APOBEC3B: variants seen among roughly 807,000 people sequenced by gnomAD.
APOBEC3B encodes the protein apolipoprotein B mRNA editing enzyme catalytic subunit 3B.
Under a neutral mutation model 53.4 loss-of-function variants are expected in APOBEC3B, and 29 were observed. The ratio of observed to expected loss-of-function variants is 0.54; its 90% CI spans 0.40 to 0.74. The LOEUF is 0.74. APOBEC3B is among the 30% of genes least tolerant of loss of function. The pLI is 0.00. For synonymous variants in APOBEC3B, 132 were observed against 184.8 expected (o/e 0.71, Z 2.32); for missense variants, 347 against 496.2 (o/e 0.70, Z 2.86).
At chr22:38,986,449 C>G in intron 4 of APOBEC3B, 37 bp downstream of exon 4, 1 of 1,579,986 alleles carries the variant, frequency 6.3e-7, no homozygotes, top group South Asian at 1.1e-5. Context: ...TCTCTCTCCT[C>G]TCACCTGCTC....
At chr22:38,990,711 T>A (rs917569214) in intron 5 of APOBEC3B, among the ~76,000 whole-genome samples, 3 of 147,138 alleles carry the variant, frequency 2.0e-5, no homozygotes, top group Non-Finnish European at 4.5e-5. Context: ...TTTCTAGAAT[T>A]ATGGGCCACA....
In APOBEC3B at chr22:38,986,282, C is replaced by T. The variant is rs775234253; in HGVS notation, c.455-16C>T. The T allele has an allele frequency of 2.6e-5, 41 of 1,591,982 alleles. 2 individuals carry two copies. Among genetic ancestry groups the T allele is most frequent in the East Asian group, 2.0e-4 (8 of 40,330 alleles). On this transcript the variant is annotated splice_polypyrimidine_tract_variant and intron_variant, in intron 3 of 7. Transcript: ENST00000333467. ...GTCAGGGGAGAGCCTGACTGCTTCC[C>T]GCTTCTTCATCTCAGAATTTGCATA...
chr22:38,984,693 C>T (rs1287926671), intron 2 of APOBEC3B, among the ~76,000 whole-genome samples: 1 of 147,984 alleles, frequency 6.8e-6, no homozygotes, highest in Non-Finnish European at 1.5e-5. Flanking sequence ...ATTCCTTTGG[C>T]CTTGACTTTT....
In APOBEC3B at chr22:38,992,558, A is replaced by C; in HGVS notation, c.*113A>C. The C allele has an allele frequency of 6.2e-7, 1 of 1,608,080 alleles. No homozygotes were observed. ...TTCACCACCATCTCCAGCTGCTCACAGACACCAGCAAAGCAATGTGCTCCT... is the reference window on the plus strand; with the variant it reads ...TTCACCACCATCTCCAGCTGCTCACCGACACCAGCAAAGCAATGTGCTCCT... On this transcript the variant is annotated 3_prime_UTR_variant, in exon 8 of 8. Transcript: ENST00000333467.
chr22:38,988,726 T>TTTCTTTCTTTCC (rs1569039119), intron 4 of APOBEC3B, among the ~76,000 whole-genome samples: 8 of 136,136 alleles, frequency 5.9e-5, no homozygotes, highest in South Asian at 5.3e-4. Flanking sequence ...TCTTTCTTTC[T>TTTCTTTCTTTCC]TTCTTTCTTT....
rs772607602 is a variant in APOBEC3B, at chr22:38,991,525, G to C, written c.917G>C (p.Arg306Pro). 8 of 1,593,826 alleles carry C rather than the reference G, an allele frequency of 5.0e-6. 1 individual carries two copies. The East Asian group carries it at 2.0e-4, about 39-fold the overall frequency. ...CAGGAGAACACACACGTGAGACTGC[G>C]CATCTTCGCTGCCCGCATCTATGAT... The part of the protein sequence containing the change: ...FLQENTHVRL[R>P]IFAARIYDYD... The change falls in exon 6 of 8, where the codon CGC becomes CCC. Residue 306 changes from arginine to proline, a missense_variant. Physicochemically the swap from Arg to Pro is moderately radical, Grantham distance 103. Around this residue, in one of 5 missense-constraint regions of APOBEC3B, gnomAD observed 78 missense variants for 103.9 expected, o/e 0.75. Coordinates refer to ENST00000333467, the MANE Select transcript of APOBEC3B (RefSeq NM_004900.5).
Position 38,984,226 on chromosome 22 carries a change from G to T in APOBEC3B, c.169G>T (p.Gly57Cys). The T allele has an allele frequency of 1.9e-6, 3 of 1,591,554 alleles. 1 individual carries two copies. Among genetic ancestry groups the T allele is most frequent in the Non-Finnish European group, 2.6e-6 (3 of 1,172,124 alleles). Residue 57 changes from glycine to cysteine, a missense_variant, in exon 2 of 8, where the codon GGC becomes TGC. Gly to Cys is a radical substitution (Grantham distance 159). Transcript: ENST00000333467. ...CCTTTGGGACACAGGGGTCTTTCGAGGCCAGGTACCACCCAAACTTCAATC... is the reference window on the plus strand; with the variant it reads ...CCTTTGGGACACAGGGGTCTTTCGATGCCAGGTACCACCCAAACTTCAATC... Reference protein sequence around the residue: ...NLLWDTGVFRGQVYFKPQYHA... With the variant: ...NLLWDTGVFRCQVYFKPQYHA...
In APOBEC3B at chr22:38,987,839, A is replaced by G. The variant is rs369594320; in HGVS notation, c.569+1427A>G. 1.5e-4 allele frequency among the ~76,000 whole-genome samples: 23 copies of G among 148,562 alleles called. 2 individuals carry two copies. The highest frequency in any genetic ancestry group is 4.5e-4 in the South Asian group (2 of 4,492). ...AGGCAGGGCACGGTGGCTTATGCCT[A>G]TAATCCTAGCTCTTTGGGAGGCTGA... is the stretch of plus-strand genomic sequence containing the variant. On this transcript the variant is annotated intron_variant, in intron 4 of 7. Coordinates refer to ENST00000333467, the MANE Select transcript of APOBEC3B (RefSeq NM_004900.5).
rs527629935 is a variant in APOBEC3B at position 38,982,476 on chromosome 22, G to A, written c.17+6G>A. The stretch of plus-strand genomic sequence containing the variant: ...AACATGAATCCACAGATCAGGTACC[G>A]CTGCCCACTCTGCCTGCTGGGCCCC... On this transcript the variant is annotated splice_donor_region_variant and intron_variant, in intron 1 of 7. Coordinates refer to ENST00000333467, the MANE Select transcript of APOBEC3B (RefSeq NM_004900.5). 22 of 1,593,430 alleles carry A rather than the reference G, an allele frequency of 1.4e-5. 2 individuals carry two copies. The East Asian group carries it at 1.7e-4, about 13-fold the overall frequency.
chr22:38,987,270 TCCCAGC>T (rs1288379407), intron 4 of APOBEC3B, among the ~76,000 whole-genome samples: 1 of 147,958 alleles, frequency 6.8e-6, no homozygotes, highest in Non-Finnish European at 1.5e-5. Context: ...CCTCCCCCTG[TCCCAGC>T]CCCAGCCCTG....
chr22:38,989,547 G>A lies in APOBEC3B; in HGVS notation c.660G>A (p.Val220=), dbSNP rs779324301. ...RRRQTYLCYE[V]ERLDNGTWVL... is the part of the protein sequence containing the mutation. ...GCCAGACCTACTTGTGCTATGAGGT[G>A]GAGCGCCTGGACAATGGCACCTGGG... The change falls in exon 5 of 8, where the codon GTG becomes GTA. Residue 220 remains valine, a synonymous_variant. Coordinates refer to ENST00000333467, the MANE Select transcript of APOBEC3B (RefSeq NM_004900.5). The A allele has an allele frequency of 3.1e-5, 49 of 1,589,646 alleles. 5 individuals are homozygous for A. Among genetic ancestry groups the A allele is most frequent in the Non-Finnish European group, 3.5e-5 (41 of 1,169,930 alleles).
intron 4 of APOBEC3B, 92 bp from the exon 5 acceptor site, chr22:38,989,365 A>T: frequency 8.0e-7 from 1 of 1,250,554 alleles, no homozygotes; most frequent in Non-Finnish European, 1.1e-6. Flanking sequence ...GTATATGGGG[A>T]GCAGGGAAGG....
intron 4 of APOBEC3B, among the ~76,000 whole-genome samples, chr22:38,988,687 T>TTTCTCTCTCTCTCTCTCTCTCTCTCTCTC (rs1491021212): frequency 2.2e-5 from 1 of 45,194 alleles, no homozygotes; most frequent in African/African-American, 9.2e-5. Context: ...CTCTTTCTCT[T>TTTCTCTCTCTCTCTCTCTCTCTCTCTCTC]TCTTTCTTTC....
rs760342782 is a variant in APOBEC3B, at chr22:38,982,446, G to A, written c.-8G>A. Reference sequence around the variant, plus strand: ...GGGACAGGGACAAGCGTATCTAAGAGGCTGAACATGAATCCACAGATCAGG... The same window carrying A: ...GGGACAGGGACAAGCGTATCTAAGAAGCTGAACATGAATCCACAGATCAGG... On this transcript the variant is annotated 5_prime_UTR_variant, in exon 1 of 8. Coordinates refer to ENST00000333467, the MANE Select transcript of APOBEC3B (RefSeq NM_004900.5). The A allele has an allele frequency of 3.1e-6, 5 of 1,593,622 alleles. 1 individual carries two copies. The highest frequency in any genetic ancestry group is 1.3e-5 in the African/African-American group (1 of 74,292).
In APOBEC3B at chr22:38,986,201, A is replaced by C. The variant is rs144733224; in HGVS notation, c.455-97A>C. The C allele has an allele frequency of 1.0e-3, 1,586 of 1,582,240 alleles. 112 individuals carry two copies. The African/African-American group carries it at 0.019, about 19-fold the overall frequency. ...TCCCAGGGCAGCCTGCAGGGGTGGG[A>C]CTGGCACTGACTGCAACTGACAGCC... On this transcript the variant is annotated intron_variant, in intron 3 of 7. Transcript: ENST00000333467.
At chr22:38,982,570 C>T (rs763458923) in intron 1 of APOBEC3B, 100 bp downstream of exon 1, 4 of 1,424,102 alleles carry the variant, frequency 2.8e-6, no homozygotes, top group Non-Finnish European at 3.9e-6. Context: ...CTGCCCCAGC[C>T]CTGGGCTCCC....
At chr22:38,986,596 C>T (rs1022691822) in intron 4 of APOBEC3B, among the ~76,000 whole-genome samples, 184 bp downstream of exon 4, 3 of 146,904 alleles carry the variant, frequency 2.0e-5, no homozygotes, top group African/African-American at 7.4e-5. Flanking sequence ...CTGGGCCCTT[C>T]CTGTGAGTAA....
At chr22:38,987,613 A>C (rs1313446865) in intron 4 of APOBEC3B, among the ~76,000 whole-genome samples, 1 of 148,526 alleles carries the variant, frequency 6.7e-6, no homozygotes, top group Non-Finnish European at 1.5e-5. Flanking sequence ...ACAAAGTCTT[A>C]GGAGAGGGTG....
At chr22:38,990,302 A>G (rs925204512) in intron 5 of APOBEC3B, among the ~76,000 whole-genome samples, 4 of 147,698 alleles carry the variant, frequency 2.7e-5, no homozygotes, top group South Asian at 4.5e-4. Flanking sequence ...CATCCTTTCA[A>G]GGGTGCCAGT....
Sources: allele counts gnomAD v4.1 joint callset (sites outside exome capture counted in the v4.1 genomes callset), GRCh38; gene constraint gnomAD v4.1.1; regional missense constraint gnomAD v4.1.1; transcripts MANE v1.5; gene names NCBI Gene and HGNC (gene_info 2026-07-23, HGNC 2026-07-21).